PUDP: variants seen among roughly 807,000 people sequenced by gnomAD.
PUDP encodes pseudouridine-5'-phosphatase.
Under a neutral mutation model 9.4 loss-of-function variants are expected in PUDP, and 8 were observed. The observed-to-expected ratio is 0.85, with a 90% CI of 0.50 to 1.53. The LOEUF (loss-of-function observed/expected upper bound fraction) is 1.53, where lower values mean the gene tolerates loss of function less well. PUDP is among the 40% of genes most tolerant of loss of function. PUDP has a pLI of 0.00. For synonymous variants in PUDP, 99 were observed against 80.7 expected (o/e 1.23, Z -1.22); for missense variants, 188 against 189.7 (o/e 0.99, Z 0.05).
chrX:6,782,759 T>C, intron 3 of PUDP, among the ~76,000 whole-genome samples: 1 of 111,417 alleles, frequency 9.0e-6, no homozygotes, highest in Non-Finnish European at 1.9e-5. Context: ...GTAACACTTG[T>C]AGGAACTTTA....
intron 3 of PUDP, among the ~76,000 whole-genome samples, chrX:6,759,896 G>A (rs866523989): frequency 5.2e-4 from 5 of 9,688 alleles, no homozygotes; most frequent in East Asian, 0.01. Flanking sequence ...AGCAGTGCTC[G>A]CTAGCAGTCT....
intron 3 of PUDP, among the ~76,000 whole-genome samples, chrX:6,837,948 A>G (rs1024260793): frequency 2.7e-5 from 3 of 111,782 alleles, no homozygotes; most frequent in Non-Finnish European, 5.6e-5. Flanking sequence ...AATTATCTCA[A>G]CACAATAGAA....
rs184282569 is a variant in PUDP, at chrX:6,783,617, G to A, written c.*248-77151C>T. Among the ~76,000 whole-genome samples, 387 of 112,022 alleles carry A rather than the reference G, an allele frequency of 3.5e-3. 3 individuals carry two copies. The highest frequency in any genetic ancestry group is 0.012 in the African/African-American group (359 of 30,824). ...ACGAGTGGTGATGTTTTCAATTTGT[G>A]AAAAATTAAGTCATGAATGGACTTT... On this transcript the variant is annotated intron_variant and NMD_transcript_variant, in intron 3 of 3. Transcript: ENST00000655425.
rs147106497 is a variant in PUDP, at chrX:6,809,360, C to T, written c.*248-102894G>A. On this transcript the variant is annotated intron_variant and NMD_transcript_variant, in intron 3 of 3. Transcript: ENST00000655425. ...GTGACCACACTGGAGTACAGTGGCG[C>T]GATCATAGCTCACTACAGCCTCAAA... 1.6e-3 allele frequency among the ~76,000 whole-genome samples: 172 copies of T among 109,677 alleles called. 4 individuals are homozygous for T. In the East Asian group the frequency reaches 0.035, roughly 22 times the overall value.
chrX:6,908,031 T>C (rs1298535274), intron 3 of PUDP, among the ~76,000 whole-genome samples: 1 of 112,354 alleles, frequency 8.9e-6, no homozygotes, highest in Admixed American at 9.4e-5. Flanking sequence ...ATGGATGTCA[T>C]TGCAGACTCT....
At chrX:6,865,697 C>A (rs764363060) in intron 3 of PUDP, among the ~76,000 whole-genome samples, 3 of 111,293 alleles carry the variant, frequency 2.7e-5, no homozygotes, top group Non-Finnish European at 5.7e-5. Context: ...ATGCCTATAT[C>A]ATGGCAGATA....
At chrX:6,707,011 T>G (rs1924478514) in intron 1 of PUDP, among the ~76,000 whole-genome samples, 1 of 111,545 alleles carries the variant, frequency 9.0e-6, no homozygotes, top group African/African-American at 3.3e-5. Flanking sequence ...CTTTTCTTTG[T>G]GAAGCACCCC....
chrX:6,817,753 C>A (rs1334501244), intron 3 of PUDP, among the ~76,000 whole-genome samples: 1 of 111,398 alleles, frequency 9.0e-6, no homozygotes, highest in Non-Finnish European at 1.9e-5. Context: ...CAGCAGGAAG[C>A]CCAGGTCTGC....
chrX:6,998,720 A>G (rs1929283783), intron 1 of PUDP, among the ~76,000 whole-genome samples: 1 of 112,293 alleles, frequency 8.9e-6, no homozygotes. Context: ...ACAATTAAGA[A>G]TAAAATTTGA....
At chrX:6,755,845 C>T (rs967946601) in intron 3 of PUDP, among the ~76,000 whole-genome samples, 2 of 108,176 alleles carry the variant, frequency 1.8e-5, no homozygotes, top group Non-Finnish European at 3.8e-5. Flanking sequence ...GATGGTAACA[C>T]GAGAGAGGCA....
chrX:7,110,740 G>T (rs1171918711), intron 1 of PUDP, among the ~76,000 whole-genome samples: 1 of 99,443 alleles, frequency 1.0e-5, no homozygotes, highest in African/African-American at 3.8e-5. Flanking sequence ...AGTTAAAGGG[G>T]GTTGTTCTCT....
intron 3 of PUDP, among the ~76,000 whole-genome samples, chrX:6,948,338 C>T (rs1438688474): frequency 8.9e-6 from 1 of 111,803 alleles, no homozygotes; most frequent in East Asian, 2.8e-4. Context: ...TCAGAGCATG[C>T]AGAGGCTGAG....
Position 7,122,121 on chromosome X carries a change from G to A in PUDP, c.62-16283C>T, listed in dbSNP as rs146186449. ...GAGAATCGGTTGAGCCCAGGAGTTC[G>A]AGGCTACAGTCAGCTATGGTTGCAC... On this transcript the variant is annotated intron_variant, in intron 1 of 3. Coordinates refer to ENST00000381077, the MANE Select transcript of PUDP (RefSeq NM_012080.5). 6.7e-3 allele frequency among the ~76,000 whole-genome samples: 741 copies of A among 110,799 alleles called. 9 individuals are homozygous for A. Among genetic ancestry groups the A allele is most frequent in the African/African-American group, 0.023 (696 of 30,418 alleles).
At chrX:6,916,247 CA>C (rs1927932132) in intron 3 of PUDP, among the ~76,000 whole-genome samples, 14 of 83,968 alleles carry the variant, frequency 1.7e-4, no homozygotes, top group South Asian at 5.2e-4. Flanking sequence ...CACACACACA[CA>C]CCCTGGGGAA....
chrX:6,720,135 C>CGT (rs1422358822), intron 1 of PUDP, among the ~76,000 whole-genome samples: 1 of 95,900 alleles, frequency 1.0e-5, no homozygotes, highest in Non-Finnish European at 2.1e-5. Context: ...TATATATATA[C>CGT]GTGTGTATAT....
At chrX:7,070,839 A>G (rs1397776460) in intron 3 of PUDP, among the ~76,000 whole-genome samples, 1 of 112,141 alleles carries the variant, frequency 8.9e-6, no homozygotes, top group Non-Finnish European at 1.9e-5. Flanking sequence ...TGGCCTCCCA[A>G]AGTGCTGGGA....
At chrX:6,951,428 G>T (rs1157775824) in intron 3 of PUDP, among the ~76,000 whole-genome samples, 1 of 111,332 alleles carries the variant, frequency 9.0e-6, no homozygotes, top group Non-Finnish European at 1.9e-5. Context: ...TTACTCTAGG[G>T]ATCCTATGGC....
chrX:7,092,656 C>A (rs1224106016), intron 2 of PUDP, among the ~76,000 whole-genome samples: 1 of 111,506 alleles, frequency 9.0e-6, no homozygotes, highest in Non-Finnish European at 1.9e-5. Context: ...ATGAAAGGTC[C>A]CACCGTATAG....
At chrX:6,999,793 T>A (rs894591928) in intron 1 of PUDP, among the ~76,000 whole-genome samples, 4 of 90,131 alleles carry the variant, frequency 4.4e-5, no homozygotes, top group East Asian at 3.5e-4. Flanking sequence ...AAATAAAAAA[T>A]AATAATAATA....
Sources: allele counts gnomAD v4.1 joint callset (sites outside exome capture counted in the v4.1 genomes callset), GRCh38; gene constraint gnomAD v4.1.1; transcripts MANE v1.5; gene names NCBI Gene and HGNC (gene_info 2026-07-23, HGNC 2026-07-21).